ADAM32: variants seen among roughly 807,000 people sequenced by gnomAD.
ADAM32 encodes ADAM metallopeptidase domain 32, also known as disintegrin and metalloproteinase domain-containing protein 32.
ADAM32 carries 89 observed loss-of-function variants against 114.9 expected under a neutral mutation model. That is an observed-to-expected ratio of 0.77 (90% CI 0.65 to 0.92). The LOEUF is 0.92. ADAM32 is among the 40% of genes least tolerant of loss of function. The pLI is 0.00. For missense variants in ADAM32, 870 were observed against 932.8 expected, an observed-to-expected ratio of 0.93 and a Z score of 0.88; for synonymous variants, 285 against 307.5, an observed-to-expected ratio of 0.93 and a Z score of 0.77.
At chr8:39,182,434 A>G (rs1168044977) in intron 10 of ADAM32, among the ~76,000 whole-genome samples, 2 of 152,246 alleles carry the variant, frequency 1.3e-5, no homozygotes, top group East Asian at 1.9e-4. Flanking sequence ...TTTACCATGC[A>G]CAACATGATG....
chr8:39,237,695 C>T, intron 16 of ADAM32, among the ~76,000 whole-genome samples: 1 of 152,156 alleles, frequency 6.6e-6, no homozygotes, highest in East Asian at 1.9e-4. Flanking sequence ...CTGAGAACCA[C>T]CTCCCCCAAT....
At chr8:39,156,460 A>G (rs558740882) in intron 6 of ADAM32, among the ~76,000 whole-genome samples, 90 of 152,302 alleles carry the variant, frequency 5.9e-4, no homozygotes, top group African/African-American at 2.1e-3. Context: ...AATATCTTCT[A>G]TAGTTACCAA....
chr8:39,283,005 T>C (rs542962134), intron 23 of ADAM32, among the ~76,000 whole-genome samples: 2 of 152,214 alleles, frequency 1.3e-5, no homozygotes, highest in Non-Finnish European at 2.9e-5. Flanking sequence ...TATTGTATTA[T>C]CTTCTCTGTG....
chr8:39,229,178 G>C (rs932172692), intron 14 of ADAM32, among the ~76,000 whole-genome samples: 1 of 152,194 alleles, frequency 6.6e-6, no homozygotes, highest in African/African-American at 2.4e-5. Flanking sequence ...ACTGCTAAAA[G>C]GAGCTCTAAA....
chr8:39,192,774 A>C (rs1189702406), intron 11 of ADAM32, among the ~76,000 whole-genome samples: 2 of 152,114 alleles, frequency 1.3e-5, no homozygotes, highest in Non-Finnish European at 2.9e-5. Context: ...TCGCTTATGA[A>C]GCTTAGTTTG....
At chr8:39,249,231 C>T (rs761198687) in intron 17 of ADAM32, among the ~76,000 whole-genome samples, 1 of 151,916 alleles carries the variant, frequency 6.6e-6, no homozygotes, top group African/African-American at 2.4e-5. Flanking sequence ...ATGTTAAATG[C>T]TTTTTCTGTA....
At chr8:39,253,343 C>A (rs1020131929) in intron 17 of ADAM32, among the ~76,000 whole-genome samples, 5 of 151,554 alleles carry the variant, frequency 3.3e-5, no homozygotes, top group Non-Finnish European at 7.4e-5. Flanking sequence ...ATAATGAACG[C>A]CTTTACTTTA....
chr8:39,153,735 C>G (rs1803981475), intron 6 of ADAM32, among the ~76,000 whole-genome samples: 1 of 152,176 alleles, frequency 6.6e-6, no homozygotes, highest in Non-Finnish European at 1.5e-5. Flanking sequence ...TAGCTGGTCT[C>G]TCCTGGGAGA....
chr8:39,269,136 G>T (rs142550796), intron 19 of ADAM32, among the ~76,000 whole-genome samples: 290 of 152,194 alleles, frequency 1.9e-3, no homozygotes, highest in African/African-American at 6.6e-3. Flanking sequence ...TTTTTCTGTG[G>T]TGTTCTGCCC....
chr8:39,110,660 C>T (rs1166352644), intron 1 of ADAM32, among the ~76,000 whole-genome samples: 1 of 152,202 alleles, frequency 6.6e-6, no homozygotes, highest in African/African-American at 2.4e-5. Flanking sequence ...TTCACCCCAG[C>T]AATGAATGAG....
intron 19 of ADAM32, among the ~76,000 whole-genome samples, chr8:39,270,502 C>A (rs967171459): frequency 1.3e-5 from 2 of 152,188 alleles, no homozygotes; most frequent in African/African-American, 4.8e-5. Flanking sequence ...GCTACTAAAT[C>A]TCTGGCCTCA....
chr8:39,172,560 T>C (rs935720848), intron 10 of ADAM32, among the ~76,000 whole-genome samples: 2 of 152,208 alleles, frequency 1.3e-5, no homozygotes, highest in African/African-American at 2.4e-5. Context: ...AGCTCCCACT[T>C]ATAAGTGAGA....
At chr8:39,268,867 T>A (rs1291201594) in intron 19 of ADAM32, among the ~76,000 whole-genome samples, 1 of 152,242 alleles carries the variant, frequency 6.6e-6, no homozygotes, top group Non-Finnish European at 1.5e-5. Context: ...TAGTCACCCA[T>A]AAAAAGACAG....
At chr8:39,225,786 A>G (rs766898493) in intron 14 of ADAM32, among the ~76,000 whole-genome samples, 150 of 92,238 alleles carry the variant, frequency 1.6e-3, no homozygotes, top group Non-Finnish European at 3.5e-3. Context: ...CCATGGAGTA[A>G]GATTTTTTTT....
intron 2 of ADAM32, among the ~76,000 whole-genome samples, chr8:39,121,843 T>C (rs1024033319): frequency 6.6e-6 from 1 of 152,142 alleles, no homozygotes; most frequent in Non-Finnish European, 1.5e-5. Flanking sequence ...CCTAGGGCCA[T>C]GGGAGAGTTG....
intron 11 of ADAM32, among the ~76,000 whole-genome samples, chr8:39,206,862 G>A (rs532926070): frequency 7.9e-5 from 12 of 152,000 alleles, no homozygotes; most frequent in Non-Finnish European, 1.3e-4. Context: ...CTGGTGGTTT[G>A]GTGGGGCTGG....
At chr8:39,280,479 A>G (rs1813354160) in intron 22 of ADAM32, among the ~76,000 whole-genome samples, 1 of 152,230 alleles carries the variant, frequency 6.6e-6, no homozygotes, top group Admixed American at 6.5e-5. Flanking sequence ...AACAAATACA[A>G]AACTAACTTG....
chr8:39,153,636 T>C (rs1289778312), intron 6 of ADAM32, among the ~76,000 whole-genome samples: 2 of 152,172 alleles, frequency 1.3e-5, no homozygotes, highest in African/African-American at 4.8e-5. Flanking sequence ...TAGCACAACT[T>C]ACACACCAGA....
intron 1 of ADAM32, among the ~76,000 whole-genome samples, chr8:39,110,422 GTTTA>G (rs5891055): frequency 6.6e-6 from 1 of 150,780 alleles, no homozygotes; most frequent in African/African-American, 2.4e-5. Context: ...ATCTACCACA[GTTTA>G]TTTATCCATT....
Sources: allele counts gnomAD v4.1 joint callset (sites outside exome capture counted in the v4.1 genomes callset), GRCh38; gene constraint gnomAD v4.1.1; transcripts MANE v1.5; gene names NCBI Gene and HGNC (gene_info 2026-07-23, HGNC 2026-07-21).